SAMD3: variants seen among roughly 807,000 people sequenced by gnomAD.
SAMD3 encodes the protein sterile alpha motif domain-containing protein 3.
SAMD3 carries 63 observed loss-of-function variants against 58.5 expected under a neutral mutation model. The ratio of observed to expected loss-of-function variants is 1.08; its 90% CI spans 0.88 to 1.33. SAMD3 has a LOEUF of 1.33. Among genes scored for constraint, SAMD3 ranks in the 40% most tolerant of loss-of-function variants. The probability of loss-of-function intolerance (pLI) is 0.00; values close to 1 mark genes in which losing one functional copy is unlikely to be tolerated. For missense variants in SAMD3, 604 were observed against 608.4 expected (o/e 0.99, Z 0.08); for synonymous variants, 220 against 210.3 (o/e 1.05, Z -0.40).
intron 7 of SAMD3, chr6:130,176,221 A>T (rs1399970774): frequency 3.3e-6 from 2 of 607,802 alleles, no homozygotes; most frequent in Non-Finnish European, 5.9e-6. Context: ...AGTTATAGGT[A>T]AGCAGACAAA....
intron 2 of SAMD3, among the ~76,000 whole-genome samples, chr6:130,307,933 A>G (rs769464724): frequency 2.0e-5 from 3 of 152,198 alleles, no homozygotes; most frequent in South Asian, 2.1e-4. Flanking sequence ...ATCTTTTGAC[A>G]TAGATGTATG....
At chr6:130,349,677 T>A (rs1455188818) in intron 1 of SAMD3, among the ~76,000 whole-genome samples, 1 of 152,062 alleles carries the variant, frequency 6.6e-6, no homozygotes, top group Admixed American at 6.5e-5. Context: ...CTGAAATTAT[T>A]CCAATCAATA....
chr6:130,224,414 T>A (rs1416226606), upstream of SAMD3, among the ~76,000 whole-genome samples: 1 of 151,290 alleles, frequency 6.6e-6, no homozygotes, highest in East Asian at 1.9e-4. Context: ...ACCCAGCACT[T>A]CCCTGCCCGC....
chr6:130,241,496 G>A (rs1773357948), intron 2 of SAMD3, among the ~76,000 whole-genome samples: 1 of 152,090 alleles, frequency 6.6e-6, no homozygotes, highest in Admixed American at 6.6e-5. Flanking sequence ...TTACAGGCAT[G>A]AGCCACTGCA....
At chr6:130,309,796 C>T (rs1320001831) in intron 2 of SAMD3, among the ~76,000 whole-genome samples, 1 of 152,156 alleles carries the variant, frequency 6.6e-6, no homozygotes, top group Non-Finnish European at 1.5e-5. Context: ...CTTGACTGTC[C>T]TCTGCTAGTA....
At chr6:130,214,302 G>GAAA in intron 4 of SAMD3, 35 bp downstream of exon 4, 1 of 1,376,080 alleles carries the variant, frequency 7.3e-7, no homozygotes, top group Non-Finnish European at 9.8e-7. Flanking sequence ...GAAAGCTTGG[G>GAAA]AAAAAAAAAT....
rs766772192 is a variant in SAMD3, at chr6:130,209,577, T to C, written c.301A>G (p.Arg101Gly). 1.2e-6 allele frequency: 2 copies of C among 1,613,574 alleles called. No individual in the cohort carries two copies. The highest frequency in any genetic ancestry group is 2.2e-5 in the East Asian group (1 of 44,898). Residue 101 changes from arginine to glycine, a missense_variant, in exon 5 of 12, where the codon AGG becomes GGG. Arg to Gly is a moderately radical substitution (Grantham distance 125, BLOSUM62 -2). Coordinates refer to ENST00000439090, the MANE Select transcript of SAMD3 (RefSeq NM_001017373.4). ...YRDEESSSPARHGEQMPSFYP... is the reference protein window; with the variant it reads ...YRDEESSSPAGHGEQMPSFYP... ...AAAGATGGCATCTGCTCCCCATGCC[T>C]GGCTGGACTGGAGGACTCTTCATCC...
intron 7 of SAMD3, 86 bp downstream of exon 7, chr6:130,184,017 G>A (rs1224859538): frequency 1.0e-6 from 1 of 967,320 alleles, no homozygotes; most frequent in African/African-American, 1.6e-5. Context: ...AGAAAAGATG[G>A]GTGAAGCATA....
At chr6:130,364,782 G>A (rs1778085704) in intron 1 of SAMD3, among the ~76,000 whole-genome samples, 1 of 151,980 alleles carries the variant, frequency 6.6e-6, no homozygotes, top group Admixed American at 6.6e-5. Context: ...AAGGCAAGAA[G>A]GTTATACCAC....
intron 4 of SAMD3, among the ~76,000 whole-genome samples, chr6:130,213,511 A>C (rs1314152099): frequency 6.6e-6 from 1 of 152,098 alleles, no homozygotes; most frequent in Non-Finnish European, 1.5e-5. Flanking sequence ...AATCTCAAAA[A>C]ATTAACGTAA....
At chr6:130,188,814 A>G (rs1793244885) in intron 5 of SAMD3, among the ~76,000 whole-genome samples, 1 of 151,896 alleles carries the variant, frequency 6.6e-6, no homozygotes, top group Non-Finnish European at 1.5e-5. Context: ...TTCTCTTCCA[A>G]TCTCTCTGAC....
At chr6:130,206,764 A>G (rs1361864744) in intron 5 of SAMD3, among the ~76,000 whole-genome samples, 3 of 152,026 alleles carry the variant, frequency 2.0e-5, no homozygotes, top group Admixed American at 1.3e-4. Flanking sequence ...ATTTCTCTCA[A>G]TTTCTTAGCC....
intron 1 of SAMD3, among the ~76,000 whole-genome samples, chr6:130,356,860 C>T (rs1562539062): frequency 6.6e-6 from 1 of 152,192 alleles, no homozygotes; most frequent in Non-Finnish European, 1.5e-5. Flanking sequence ...AACCAGACAG[C>T]CACAATTAAT....
chr6:130,285,436 A>C (rs1775122994), intron 2 of SAMD3, among the ~76,000 whole-genome samples: 1 of 152,188 alleles, frequency 6.6e-6, no homozygotes, highest in Admixed American at 6.5e-5. Context: ...GGAAGTAAGG[A>C]GAGCTCTCAT....
At chr6:130,214,841 G>C (rs759474147) in intron 3 of SAMD3, among the ~76,000 whole-genome samples, 1 of 152,002 alleles carries the variant, frequency 6.6e-6, no homozygotes, top group Admixed American at 6.6e-5. Context: ...ATTATTCTTC[G>C]TAATAGCTCC....
intron 2 of SAMD3, among the ~76,000 whole-genome samples, chr6:130,259,682 T>C (rs937778562): frequency 2.0e-5 from 3 of 152,136 alleles, no homozygotes; most frequent in Non-Finnish European, 4.4e-5. Flanking sequence ...GCACAAAACC[T>C]GGACTCAATG....
At chr6:130,292,021 C>T (rs1053436664) in intron 2 of SAMD3, among the ~76,000 whole-genome samples, 96 of 152,056 alleles carry the variant, frequency 6.3e-4, no homozygotes, top group African/African-American at 2.2e-3. Context: ...TTAAGCTAAT[C>T]TAATACTTAA....
intron 1 of SAMD3, among the ~76,000 whole-genome samples, chr6:130,354,467 T>C (rs967812742): frequency 7.2e-5 from 11 of 152,268 alleles, no homozygotes; most frequent in African/African-American, 1.2e-4. Context: ...ATGTGGTACA[T>C]ATACACCATG....
intron 1 of SAMD3, among the ~76,000 whole-genome samples, chr6:130,323,758 G>A (rs927306449): frequency 9.2e-5 from 12 of 130,170 alleles, no homozygotes; most frequent in South Asian, 4.9e-4. Flanking sequence ...AGCTGAGATC[G>A]TGACACTATA....
Sources: allele counts gnomAD v4.1 joint callset (sites outside exome capture counted in the v4.1 genomes callset), GRCh38; gene constraint gnomAD v4.1.1; transcripts MANE v1.5; gene names NCBI Gene and HGNC (gene_info 2026-07-23, HGNC 2026-07-21).